The following AFF2 variants were observed in gnomAD, a reference collection of about 807,000 sequenced individuals.
AFF2 encodes AF4/FMR2 family member 2.
Under a neutral mutation model 76.9 loss-of-function variants are expected in AFF2, and 14 were observed. That is an observed-to-expected ratio of 0.18 (90% CI 0.12 to 0.28). The LOEUF (loss-of-function observed/expected upper bound fraction) is 0.28, where lower values mean the gene tolerates loss of function less well. Ranked by LOEUF, AFF2 falls within the 10% of genes least tolerant of loss-of-function variation. The probability of loss-of-function intolerance (pLI) is 1.00; values close to 1 mark genes in which losing one functional copy is unlikely to be tolerated. For synonymous variants in AFF2, 398 were observed against 366.7 expected, an observed-to-expected ratio of 1.09 and a Z score of -0.98; for missense variants, 868 against 1,001.1, an observed-to-expected ratio of 0.87 and a Z score of 1.79.
chrX:148,692,730 G>A (rs1184531441), intron 3 of AFF2, among the ~76,000 whole-genome samples: 1 of 111,537 alleles, frequency 9.0e-6, no homozygotes, highest in African/African-American at 3.3e-5. Context: ...TATGTGTGCA[G>A]AGACAAAGGA....
chrX:148,652,483 A>G (rs1464233573), intron 2 of AFF2, among the ~76,000 whole-genome samples: 1 of 111,956 alleles, frequency 8.9e-6, no homozygotes, highest in East Asian at 2.8e-4. Flanking sequence ...CAGAATGTCA[A>G]TGGAGATGTC....
chrX:148,624,685 A>T (rs1335338969), intron 1 of AFF2, among the ~76,000 whole-genome samples: 1 of 111,942 alleles, frequency 8.9e-6, no homozygotes, highest in Non-Finnish European at 1.9e-5. Context: ...ATTCACAGTT[A>T]CTTTCAATAT....
chrX:148,951,241 G>C (rs952580047), intron 9 of AFF2, among the ~76,000 whole-genome samples: 1 of 110,991 alleles, frequency 9.0e-6, no homozygotes. Flanking sequence ...ATTTAGCTGA[G>C]GAATAAGTTG....
chrX:148,574,969 TGTGTGTGTG>T (rs2053270335), intron 1 of AFF2, among the ~76,000 whole-genome samples: 1 of 108,000 alleles, frequency 9.3e-6, no homozygotes, highest in Non-Finnish European at 1.9e-5. Flanking sequence ...TGTGTGTGTG[TGTGTGTGTG>T]TGTGTGTGAG....
At chrX:148,504,346 A>AAAAAG (rs3040776) in intron 1 of AFF2, among the ~76,000 whole-genome samples, 3 of 112,047 alleles carry the variant, frequency 2.7e-5, no homozygotes, top group South Asian at 7.5e-4. Context: ...CATTCTTAAA[A>AAAAAG]AAAAGAAAAG....
At chrX:148,821,178 G>A (rs993291760) in intron 4 of AFF2, among the ~76,000 whole-genome samples, 12 of 111,526 alleles carry the variant, frequency 1.1e-4, no homozygotes, top group African/African-American at 2.6e-4. Context: ...TAACCTTTTC[G>A]TACCTCATTT....
chrX:148,784,472 G>C (rs1326351256), intron 3 of AFF2, among the ~76,000 whole-genome samples: 1 of 111,938 alleles, frequency 8.9e-6, no homozygotes, highest in Non-Finnish European at 1.9e-5. Context: ...AAAGGATAGT[G>C]TACAGGCTGG....
rs1043774479 is a variant in AFF2, at chrX:148,966,641, C to G, written c.2914-149C>G. On this transcript the variant is annotated intron_variant, in intron 13 of 20. Transcript: ENST00000370460. ...GGCGTTCATAAAATATCCAGGGTCACCTATTTATCCTCAAGCTGTGTGCAT... is the reference window on the plus strand; with the variant it reads ...GGCGTTCATAAAATATCCAGGGTCAGCTATTTATCCTCAAGCTGTGTGCAT... The G allele has an allele frequency of 5.6e-6, 6 of 1,067,523 alleles. No individual in the cohort carries two copies. The South Asian group carries it at 9.2e-5, about 16-fold the overall frequency. 88.0% of individuals were successfully genotyped at this position (1,067,523 alleles called of 1,213,427 possible).
Position 148,500,953 on chromosome X carries a change from G to T in AFF2, c.-145G>T. ...GACACCTCCAGCGCCCGCTGCTGCTGCCGATGCGGCCCGGACACTTTTAGC... is the reference window on the plus strand; with the variant it reads ...GACACCTCCAGCGCCCGCTGCTGCTTCCGATGCGGCCCGGACACTTTTAGC... On this transcript the variant is annotated 5_prime_UTR_variant, in exon 1 of 21. Coordinates refer to ENST00000370460, the MANE Select transcript of AFF2 (RefSeq NM_002025.4). 1.4e-6 allele frequency: 1 copy of T among 718,626 alleles called. No individual in the cohort carries two copies. Among genetic ancestry groups the T allele is most frequent in the Non-Finnish European group, 1.9e-6 (1 of 514,196 alleles). 59.2% of individuals were successfully genotyped at this position (718,626 alleles called of 1,213,427 possible). A position where few individuals can be genotyped will look rare whatever the true frequency, so the allele number is the denominator to read the frequency against.
At position 148,956,553 on chromosome X, in the gene AFF2, G is replaced by T. The variant is rs2072043518; in HGVS notation, c.2508G>T (p.Lys836Asn). The T allele has an allele frequency of 3.3e-6, 4 of 1,211,751 alleles. No individual in the cohort carries two copies. Among genetic ancestry groups the T allele is most frequent in the Non-Finnish European group, 4.5e-6 (4 of 895,502 alleles). ...ACAAGGAGACTGCCACAAAACCCAA[G>T]CGTCAGACAGCTGTCACAGCTGTGG... ...PDHKETATKP[K>N]RQTAVTAVEK... is the part of the protein sequence containing the mutation. Residue 836 changes from lysine to asparagine, a missense_variant, in exon 11 of 21, where the codon AAG becomes AAT. Lys to Asn is a moderately conservative substitution (Grantham distance 94). Coordinates refer to ENST00000370460, the MANE Select transcript of AFF2 (RefSeq NM_002025.4).
chrX:148,899,097 G>A (rs1194342097), intron 8 of AFF2, among the ~76,000 whole-genome samples: 1 of 111,663 alleles, frequency 9.0e-6, no homozygotes, highest in African/African-American at 3.3e-5. Context: ...TGACAAGTCA[G>A]AAATTCAGGC....
At chrX:148,891,188 C>A (rs1318282166) in intron 8 of AFF2, among the ~76,000 whole-genome samples, 8 of 111,566 alleles carry the variant, frequency 7.2e-5, no homozygotes, top group African/African-American at 2.6e-4. Context: ...AGTGGCCTGA[C>A]CCAGGAGGAC....
At chrX:148,983,687 A>C (rs1557291091) in intron 19 of AFF2, among the ~76,000 whole-genome samples, 1 of 110,563 alleles carries the variant, frequency 9.0e-6, no homozygotes, top group Non-Finnish European at 1.9e-5. Context: ...GCTCTTTTGC[A>C]ATAAGTAGCC....
chrX:148,798,274 G>T (rs2070012576), intron 3 of AFF2, among the ~76,000 whole-genome samples: 1 of 111,456 alleles, frequency 9.0e-6, no homozygotes, highest in African/African-American at 3.3e-5. Flanking sequence ...ATTCATGAGG[G>T]CAGAGCCCCC....
rs2052324393 is a variant in AFF2 at position 148,500,631 on chromosome X, A to AGCTGCC, written c.-465_-464insTGCCGC. 3.2e-5 allele frequency: 2 copies of AGCTGCC among 62,510 alleles called. No homozygotes were observed. The highest frequency in any genetic ancestry group is 5.5e-5 in the African/African-American group (1 of 18,141). 5.2% of individuals were successfully genotyped at this position (62,510 alleles called of 1,213,427 possible). A position where few individuals can be genotyped will look rare whatever the true frequency, so the allele number is the denominator to read the frequency against. ...CCGCGGCCGCCGCCGCCGCCTGTGCAGCCGCTGCCGCCGCCGCCGCCGCCG... is the reference window on the plus strand; with the variant it reads ...CCGCGGCCGCCGCCGCCGCCTGTGCAGCTGCCGCCGCTGCCGCCGCCGCCGCCGCCG... On this transcript the variant is annotated 5_prime_UTR_variant, in exon 1 of 21. Coordinates refer to ENST00000370460, the MANE Select transcript of AFF2 (RefSeq NM_002025.4).
At chrX:148,789,458 C>G (rs2342522) in intron 3 of AFF2, among the ~76,000 whole-genome samples, 65,307 of 110,462 alleles carry the variant, frequency 0.59, 16,186 homozygotes, top group East Asian at 0.92. Context: ...AACATAGAAG[C>G]CAGAATAGAC....
At chrX:148,627,252 C>A (rs193215841) in intron 1 of AFF2, among the ~76,000 whole-genome samples, 217 of 112,024 alleles carry the variant, frequency 1.9e-3, no homozygotes, top group Non-Finnish European at 3.3e-3. Context: ...CTACAGGAAG[C>A]AAATTCCAGG....
At chrX:148,517,896 G>A (rs1378398691) in intron 1 of AFF2, among the ~76,000 whole-genome samples, 11 of 108,128 alleles carry the variant, frequency 1.0e-4, no homozygotes, top group Admixed American at 3.0e-4. Context: ...GGTGGCGGGC[G>A]CCTGTAGTCC....
intron 3 of AFF2, among the ~76,000 whole-genome samples, chrX:148,741,528 G>A (rs782537881): frequency 1.3e-4 from 14 of 110,688 alleles, no homozygotes; most frequent in Non-Finnish European, 2.5e-4. Context: ...GAGGAAGGGC[G>A]AGACGGACTT....
Sources: allele counts gnomAD v4.1 joint callset (sites outside exome capture counted in the v4.1 genomes callset), GRCh38; gene constraint gnomAD v4.1.1; transcripts MANE v1.5; gene names NCBI Gene and HGNC (gene_info 2026-07-23, HGNC 2026-07-21).